Variants in GC observed in about 807,000 individuals in gnomAD.
GC encodes GC vitamin D binding protein, also known as vitamin D-binding protein.
In GC, 43 loss-of-function variants were observed where a neutral mutation model predicts 56.7. The ratio of observed to expected loss-of-function variants is 0.76; its 90% CI spans 0.59 to 0.98. GC has a LOEUF of 0.98. GC is among the 50% of genes least tolerant of loss of function. The pLI is 0.00. For missense variants in GC, 529 were observed against 545.9 expected (o/e 0.97, Z 0.31); for synonymous variants, 216 against 202.7 (o/e 1.07, Z -0.56).
chr4:71,775,690 A>G (rs185181988), intron 1 of GC, among the ~76,000 whole-genome samples: 4 of 152,160 alleles, frequency 2.6e-5, no homozygotes, highest in African/African-American at 9.6e-5. Flanking sequence ...TGCACAGCAA[A>G]AGAAAAATTA....
At chr4:71,780,488 AC>A (rs2149305880) in intron 1 of GC, among the ~76,000 whole-genome samples, 1 of 152,288 alleles carries the variant, frequency 6.6e-6, no homozygotes, top group African/African-American at 2.4e-5. Flanking sequence ...TACCCATCTG[AC>A]AAAGGGCTAA....
At chr4:71,767,416 G>A (rs548789572) in intron 3 of GC, among the ~76,000 whole-genome samples, 16 of 152,000 alleles carry the variant, frequency 1.1e-4, no homozygotes, top group African/African-American at 3.9e-4. Flanking sequence ...GTGCTATAGG[G>A]GAGAAACCTA....
In GC at chr4:71,750,664, C is replaced by G. The variant is rs931645640; in HGVS notation, c.1395+1854G>C. 2.6e-5 allele frequency among the ~76,000 whole-genome samples: 4 copies of G among 152,200 alleles called. No individual in the cohort carries two copies. In the East Asian group the frequency reaches 7.7e-4, roughly 29 times the overall value. On this transcript the variant is annotated intron_variant, in intron 11 of 12. Coordinates refer to ENST00000273951, the MANE Select transcript of GC (RefSeq NM_000583.4). ...CTTTGGGAGGCTGAGGCGGGTGGAT[C>G]ACTTGAGGTCAGGAGTTCCAGATCA...
intron 1 of GC, among the ~76,000 whole-genome samples, chr4:71,795,397 C>A (rs1487053356): frequency 6.6e-6 from 1 of 152,128 alleles, no homozygotes; most frequent in Admixed American, 6.5e-5. Context: ...GAGTTAATAC[C>A]TTTACCATTA....
At chr4:71,795,417 C>G (rs942327254) in intron 1 of GC, among the ~76,000 whole-genome samples, 1 of 152,108 alleles carries the variant, frequency 6.6e-6, no homozygotes, top group Non-Finnish European at 1.5e-5. Flanking sequence ...ATGTAATGGC[C>G]TTGTTTGTCT....
chr4:71,749,054 G>A (rs566458573), intron 11 of GC, among the ~76,000 whole-genome samples: 28 of 152,240 alleles, frequency 1.8e-4, no homozygotes, highest in African/African-American at 6.0e-4. Flanking sequence ...CTAAAGTAAA[G>A]TCAGAAAGGA....
upstream of GC, among the ~76,000 whole-genome samples, chr4:71,787,401 C>T (rs766466522): frequency 2.0e-5 from 3 of 151,926 alleles, no homozygotes; most frequent in Non-Finnish European, 4.4e-5. Context: ...TCTTCCCTTA[C>T]TCTATTTTAC....
chr4:71,753,194 A>T (rs190107301), intron 10 of GC, among the ~76,000 whole-genome samples: 1 of 152,222 alleles, frequency 6.6e-6, no homozygotes, highest in East Asian at 1.9e-4. Flanking sequence ...ATAAGACTTG[A>T]TATCTCCTGA....
At chr4:71,786,996 T>G (rs1742855989), upstream of GC, among the ~76,000 whole-genome samples, 1 of 151,874 alleles carries the variant, frequency 6.6e-6, no homozygotes, top group Non-Finnish European at 1.5e-5. Flanking sequence ...CAGAACACAA[T>G]CCAGGTTTCA....
chr4:71,767,723 T>A (rs1742201358), intron 3 of GC, among the ~76,000 whole-genome samples: 1 of 151,518 alleles, frequency 6.6e-6, no homozygotes, highest in Admixed American at 6.6e-5. Context: ...ATGGCTAAGT[T>A]CTTTAGGGGT....
upstream of GC, chr4:71,784,344 A>G: frequency 1.9e-6 from 2 of 1,030,278 alleles, no homozygotes; most frequent in Non-Finnish European, 2.3e-6. Context: ...GCTGTTCCTC[A>G]CTAAAGTTTA....
intron 12 of GC, among the ~76,000 whole-genome samples, chr4:71,743,468 A>T (rs1160753753): frequency 6.6e-6 from 1 of 152,178 alleles, no homozygotes; most frequent in African/African-American, 2.4e-5. Context: ...CTCAGCACTT[A>T]CTCTGAAATC....
At chr4:71,783,338 T>C (rs1207020153) in intron 1 of GC, among the ~76,000 whole-genome samples, 1 of 151,782 alleles carries the variant, frequency 6.6e-6, no homozygotes, top group East Asian at 1.9e-4. Context: ...TGTAAAAAAA[T>C]TTTTAAACAT....
At chr4:71,772,899 C>T (rs1356679262) in intron 1 of GC, among the ~76,000 whole-genome samples, 1 of 152,042 alleles carries the variant, frequency 6.6e-6, no homozygotes, top group Non-Finnish European at 1.5e-5. Flanking sequence ...AGATATCTAG[C>T]TTACAAGACA....
chr4:71,804,915 GGGAGGA>G (rs144754006), upstream of GC, among the ~76,000 whole-genome samples: 2 of 150,478 alleles, frequency 1.3e-5, no homozygotes, highest in Non-Finnish European at 3.0e-5. Flanking sequence ...GCGGGGCTGA[GGGAGGA>G]GGAGGAGGAG....
intron 1 of GC, among the ~76,000 whole-genome samples, chr4:71,803,059 T>TA (rs1448711353): frequency 3.3e-5 from 5 of 152,188 alleles, no homozygotes; most frequent in Non-Finnish European, 7.4e-5. Flanking sequence ...CTGGTGAACT[T>TA]ACAGTCTGAT....
Position 71,763,888 on chromosome 4 carries a change from AAG to A in GC, c.520_521del (p.Leu174PhefsTer33), listed in dbSNP as rs1276397569. On this transcript the variant is annotated frameshift_variant, in exon 5 of 13. Transcript: ENST00000273951. LOFTEE classifies it high-confidence loss of function. Reference sequence around the variant, plus strand: ...GATAACTCTTGGTGTAACTGACTAAAAGTGACAGAGGAGCTTGTCCGTAATTA... The same window carrying A: ...GATAACTCTTGGTGTAACTGACTAAATGACAGAGGAGCTTGTCCGTAATTA... The part of the protein sequence containing the change: ...STNYGQAPLS[L>X]LVSYTKSYLS... The A allele has an allele frequency of 6.2e-7, 1 of 1,610,328 alleles. No individual in the cohort carries two copies. Among genetic ancestry groups the A allele is most frequent in the Non-Finnish European group, 8.5e-7 (1 of 1,176,590 alleles).
intron 1 of GC, among the ~76,000 whole-genome samples, chr4:71,800,759 TTAA>T (rs1160638947): frequency 2.0e-5 from 3 of 152,246 alleles, no homozygotes. Context: ...TCTTGAATTT[TTAA>T]TGATTGCCAT....
intron 12 of GC, 22 bp downstream of exon 12, chr4:71,746,129 T>C (rs760064008): frequency 4.6e-6 from 4 of 871,478 alleles, no homozygotes; most frequent in South Asian, 4.0e-5. Flanking sequence ...CCGTTGGTCC[T>C]GCATTTATAA....
Sources: gnomAD v4.1 joint callset for allele counts (sites outside exome capture counted in the v4.1 genomes callset) on GRCh38, gnomAD v4.1.1 for gene constraint, MANE v1.5 for transcripts, NCBI Gene and HGNC (gene_info 2026-07-23, HGNC 2026-07-21) for gene names.